HMBOX1: variants seen among roughly 807,000 people sequenced by gnomAD.
The protein encoded by HMBOX1 is homeobox-containing protein 1.
In HMBOX1, 14 loss-of-function variants were observed where a neutral mutation model predicts 54.5. The ratio of observed to expected loss-of-function variants is 0.26; its 90% CI spans 0.17 to 0.40. HMBOX1 has a LOEUF of 0.40. Ranked by LOEUF, HMBOX1 falls within the 10% of genes least tolerant of loss-of-function variation. HMBOX1 has a pLI of 1.00. For synonymous variants in HMBOX1, 160 were observed against 181.0 expected, an observed-to-expected ratio of 0.88 and a Z score of 0.93; for missense variants, 332 against 514.4, an observed-to-expected ratio of 0.65 and a Z score of 3.43.
intron 1 of HMBOX1, among the ~76,000 whole-genome samples, chr8:28,936,475 T>C (rs907017518): frequency 6.6e-6 from 1 of 152,042 alleles, no homozygotes; most frequent in Non-Finnish European, 1.5e-5. Context: ...ACTTTTTGCC[T>C]AGAAATTTCC....
At chr8:28,972,056 C>T (rs1487637612) in intron 3 of HMBOX1, among the ~76,000 whole-genome samples, 1 of 152,210 alleles carries the variant, frequency 6.6e-6, no homozygotes, top group Non-Finnish European at 1.5e-5. Flanking sequence ...ATCCTTCAAA[C>T]TGTCCTGAAT....
chr8:29,004,431 A>G lies in HMBOX1; in HGVS notation c.587-4641A>G, dbSNP rs554375025. ...GTGGTTTCACTCCTCAGGAAGTGGA[A>G]GGAAAATTAAACATAAATTTGTGGT... On this transcript the variant is annotated intron_variant, in intron 4 of 9. Coordinates refer to ENST00000287701, the MANE Select transcript of HMBOX1 (RefSeq NM_001135726.3). Among the ~76,000 whole-genome samples, 33 of 152,302 alleles carry G rather than the reference A, an allele frequency of 2.2e-4. No homozygotes were observed. The South Asian group carries it at 4.6e-3, about 21-fold the overall frequency.
chr8:28,982,889 G>T (rs1829617582), intron 4 of HMBOX1, among the ~76,000 whole-genome samples: 1 of 152,182 alleles, frequency 6.6e-6, no homozygotes, highest in Non-Finnish European at 1.5e-5. Context: ...CTCCCAAAGT[G>T]CTGCGATTAC....
chr8:28,901,439 C>G (rs1242032759), intron 1 of HMBOX1, among the ~76,000 whole-genome samples: 1 of 151,942 alleles, frequency 6.6e-6, no homozygotes, highest in Non-Finnish European at 1.5e-5. Flanking sequence ...TCTTTTTGTA[C>G]TTTTCTCCCT....
At chr8:28,980,222 G>C (rs879032004) in intron 4 of HMBOX1, 66 bp downstream of exon 4, 2 of 1,172,302 alleles carry the variant, frequency 1.7e-6, no homozygotes, top group South Asian at 2.4e-5. Flanking sequence ...GCAGATGTTG[G>C]AATATTGCTT....
At chr8:28,894,093 A>G (rs1411479192) in intron 1 of HMBOX1, among the ~76,000 whole-genome samples, 1 of 152,142 alleles carries the variant, frequency 6.6e-6, no homozygotes. Flanking sequence ...AACCAGCTTT[A>G]TTTAGTTCTT....
At chr8:29,008,527 C>G (rs1159568720) in intron 4 of HMBOX1, among the ~76,000 whole-genome samples, 1 of 152,076 alleles carries the variant, frequency 6.6e-6, no homozygotes, top group Non-Finnish European at 1.5e-5. Context: ...GGTAATGACT[C>G]TAAAAATGGC....
intron 4 of HMBOX1, among the ~76,000 whole-genome samples, chr8:28,983,581 A>G (rs530579805): frequency 3.2e-4 from 48 of 152,276 alleles, no homozygotes; most frequent in African/African-American, 9.1e-4. Context: ...TTTTAGAGCA[A>G]TGTTCTTCAG....
At position 29,042,522 on chromosome 8, in the gene HMBOX1, G is replaced by A. The variant is rs901179067; in HGVS notation, c.852-2839G>A. The stretch of plus-strand genomic sequence containing the variant: ...GTGGGGCAGGAGATGGGATATGAAA[G>A]GCAATTGGTTAGAAAAGACCAATAG... On this transcript the variant is annotated intron_variant, in intron 6 of 9. Transcript: ENST00000287701. 5.0e-5 allele frequency: 20 copies of A among 399,704 alleles called. No individual in the cohort carries two copies. The Admixed American group carries it at 5.5e-4, about 11-fold the overall frequency. 24.8% of individuals were successfully genotyped at this position (399,704 alleles called of 1,614,324 possible).
At chr8:29,000,218 G>C (rs978377279) in intron 4 of HMBOX1, among the ~76,000 whole-genome samples, 1 of 152,132 alleles carries the variant, frequency 6.6e-6, no homozygotes, top group South Asian at 2.1e-4. Flanking sequence ...TTGTCAAGGG[G>C]CTCTCTCTGT....
In HMBOX1 at chr8:29,035,727, T is replaced by G. The variant is rs141071374; in HGVS notation, c.852-9634T>G. Among the ~76,000 whole-genome samples the G allele has an allele frequency of 9.8e-5, 15 of 152,348 alleles. No homozygotes were observed. The East Asian group carries it at 2.9e-3, about 29-fold the overall frequency. On this transcript the variant is annotated intron_variant, in intron 6 of 9. Transcript: ENST00000287701. ...ACCAAACACTGCCCTCTTGTGCATG[T>G]TCTTTTTCTTCATTATTTAAATAAA...
chr8:28,989,605 T>A, intron 4 of HMBOX1, among the ~76,000 whole-genome samples: 1 of 152,206 alleles, frequency 6.6e-6, no homozygotes, highest in East Asian at 1.9e-4. Flanking sequence ...AAACTGTAGA[T>A]TATTATAAGT....
intron 6 of HMBOX1, among the ~76,000 whole-genome samples, chr8:29,024,497 A>G (rs1801712053): frequency 1.3e-5 from 2 of 152,158 alleles, no homozygotes; most frequent in Non-Finnish European, 2.9e-5. Context: ...GATAATGGAC[A>G]AGAAATCAAT....
intron 6 of HMBOX1, among the ~76,000 whole-genome samples, chr8:29,036,960 T>C (rs1451833780): frequency 1.3e-5 from 2 of 152,234 alleles, no homozygotes; most frequent in Non-Finnish European, 2.9e-5. Context: ...TGTTATGCGA[T>C]TCCATAGGCA....
intron 1 of HMBOX1, among the ~76,000 whole-genome samples, chr8:28,897,454 A>G (rs1812367681): frequency 6.6e-6 from 1 of 152,182 alleles, no homozygotes. Context: ...AGGCAGATGG[A>G]TCATGAGGTC....
At chr8:28,979,768 T>G (rs1422568428) in intron 3 of HMBOX1, among the ~76,000 whole-genome samples, 1 of 152,210 alleles carries the variant, frequency 6.6e-6, no homozygotes, top group Non-Finnish European at 1.5e-5. Context: ...ATATACCATA[T>G]GACAGCCTTG....
intron 4 of HMBOX1, among the ~76,000 whole-genome samples, chr8:29,001,509 C>T (rs972262923): frequency 3.3e-5 from 5 of 152,052 alleles, no homozygotes; most frequent in African/African-American, 7.2e-5. Context: ...AAGATCATGC[C>T]GCGGCGCTTC....
intron 5 of HMBOX1, among the ~76,000 whole-genome samples, chr8:29,011,089 A>G (rs1834162734): frequency 6.6e-6 from 1 of 152,232 alleles, no homozygotes; most frequent in Non-Finnish European, 1.5e-5. Flanking sequence ...ATTTATTTTG[A>G]AATGCATCGG....
chr8:28,912,771 A>G (rs1204453086), intron 1 of HMBOX1, among the ~76,000 whole-genome samples: 9 of 152,086 alleles, frequency 5.9e-5, no homozygotes, highest in African/African-American at 1.4e-4. Context: ...ATCTACCTTT[A>G]TAGCCTCATT....
Sources: allele counts gnomAD v4.1 joint callset (sites outside exome capture counted in the v4.1 genomes callset), GRCh38; gene constraint gnomAD v4.1.1; transcripts MANE v1.5; gene names NCBI Gene and HGNC (gene_info 2026-07-23, HGNC 2026-07-21).